The following SAMD12 variants were observed in gnomAD, a reference collection of about 807,000 sequenced individuals.
SAMD12 encodes the protein sterile alpha motif domain containing 12.
SAMD12 carries 9 observed loss-of-function variants against 15.0 expected under a neutral mutation model. The observed-to-expected ratio is 0.60, with a 90% CI of 0.36 to 1.05. SAMD12 has a LOEUF of 1.05. Among genes scored for constraint, SAMD12 ranks in the 50% least tolerant of loss-of-function variants. The probability of loss-of-function intolerance (pLI) is 0.01; values close to 1 mark genes in which losing one functional copy is unlikely to be tolerated. For missense variants in SAMD12, 230 were observed against 234.2 expected, an observed-to-expected ratio of 0.98 and a Z score of 0.12; for synonymous variants, 86 against 90.1, an observed-to-expected ratio of 0.96 and a Z score of 0.25.
At chr8:118,398,885 GTGTT>G (rs200208248) in intron 3 of SAMD12, among the ~76,000 whole-genome samples, 8 of 151,798 alleles carry the variant, frequency 5.3e-5, no homozygotes, top group African/African-American at 7.3e-5. Context: ...TTTTTTGTGT[GTGTT>G]TGTTTTTGTT....
intron 4 of SAMD12, among the ~76,000 whole-genome samples, chr8:118,253,734 C>T (rs1169158229): frequency 1.3e-5 from 2 of 152,140 alleles, no homozygotes; most frequent in African/African-American, 4.8e-5. Context: ...TATCCTTTAA[C>T]CAAGGTCAGG....
intron 4 of SAMD12, among the ~76,000 whole-genome samples, chr8:118,316,697 A>G (rs1586507479): frequency 6.6e-6 from 1 of 152,080 alleles, no homozygotes; most frequent in East Asian, 1.9e-4. Flanking sequence ...AGACTCTACT[A>G]AAGCTGAACA....
chr8:118,161,930 C>T, the SAMD12 span, among the ~76,000 whole-genome samples: 8 of 151,630 alleles, frequency 5.3e-5, no homozygotes, highest in South Asian at 4.2e-4. Flanking sequence ...GAGGCCCAGG[C>T]GGGTGGATTA....
intron 4 of SAMD12, among the ~76,000 whole-genome samples, chr8:118,361,604 T>TA (rs1326293099): frequency 6.6e-6 from 1 of 152,214 alleles, no homozygotes; most frequent in Non-Finnish European, 1.5e-5. Flanking sequence ...ATGTTACCTT[T>TA]GACACTTTCT....
chr8:118,617,157 A>G (rs1168664071), intron 1 of SAMD12, among the ~76,000 whole-genome samples: 1 of 152,240 alleles, frequency 6.6e-6, no homozygotes, highest in African/African-American at 2.4e-5. Context: ...AGCTTGTGAT[A>G]AAAATGATGT....
At chr8:118,619,126 G>A (rs898461633) in intron 1 of SAMD12, among the ~76,000 whole-genome samples, 2 of 152,152 alleles carry the variant, frequency 1.3e-5, no homozygotes, top group African/African-American at 4.8e-5. Context: ...GCAGCCCCCA[G>A]CAGCAGTTCC....
chr8:118,289,591 T>C (rs543523677), intron 4 of SAMD12, among the ~76,000 whole-genome samples: 2 of 152,316 alleles, frequency 1.3e-5, no homozygotes, highest in South Asian at 4.1e-4. Context: ...GATGTTGCCA[T>C]GTGTGATGGA....
At chr8:118,421,575 C>A (rs1484336989) in intron 3 of SAMD12, among the ~76,000 whole-genome samples, 1 of 152,172 alleles carries the variant, frequency 6.6e-6, no homozygotes, top group Non-Finnish European at 1.5e-5. Context: ...TGAAACAAAA[C>A]ACTGTATTTG....
At chr8:118,224,511 A>C (rs1370656834) in intron 4 of SAMD12, among the ~76,000 whole-genome samples, 4 of 152,208 alleles carry the variant, frequency 2.6e-5, no homozygotes, top group Non-Finnish European at 5.9e-5. Flanking sequence ...GATGGGGCCA[A>C]TTACGTGAAT....
chr8:118,137,231 C>A, the SAMD12 span, among the ~76,000 whole-genome samples: 1 of 152,106 alleles, frequency 6.6e-6, no homozygotes, highest in Non-Finnish European at 1.5e-5. Context: ...TGGAAAGCAA[C>A]CAATAAGAGG....
chr8:118,384,448 C>T (rs2630108), intron 3 of SAMD12, among the ~76,000 whole-genome samples: 1 of 152,128 alleles, frequency 6.6e-6, no homozygotes. Flanking sequence ...GTAATGGTGT[C>T]TTTGTACTGG....
At chr8:118,173,465 C>G in the SAMD12 span, among the ~76,000 whole-genome samples, 3 of 151,964 alleles carry the variant, frequency 2.0e-5, no homozygotes, top group Non-Finnish European at 4.4e-5. Context: ...TTGTACATTA[C>G]AAGGCCCTGT....
intron 3 of SAMD12, among the ~76,000 whole-genome samples, chr8:118,401,604 G>T (rs1820874479): frequency 6.7e-6 from 1 of 149,274 alleles, no homozygotes; most frequent in South Asian, 2.1e-4. Context: ...TCGAACTTTG[G>T]CCTCATGCGA....
At chr8:118,211,464 GGTGA>G (rs1419845712) in intron 4 of SAMD12, among the ~76,000 whole-genome samples, 1 of 152,136 alleles carries the variant, frequency 6.6e-6, no homozygotes, top group African/African-American at 2.4e-5. Flanking sequence ...ATTTCCTTAG[GGTGA>G]GTGAGTAGCA....
chr8:118,361,680 C>T (rs544823532), intron 4 of SAMD12, among the ~76,000 whole-genome samples: 2 of 152,274 alleles, frequency 1.3e-5, no homozygotes, highest in South Asian at 2.1e-4. Flanking sequence ...CACAGACGCA[C>T]GTGTGTGCAA....
chr8:118,525,534 T>C (rs548922535), intron 2 of SAMD12, among the ~76,000 whole-genome samples: 2 of 152,278 alleles, frequency 1.3e-5, no homozygotes, highest in African/African-American at 2.4e-5. Context: ...CAAATATTAG[T>C]TGAAGGAAAG....
chr8:118,199,868 G>C (rs1161652933), intron 4 of SAMD12, among the ~76,000 whole-genome samples: 1 of 152,176 alleles, frequency 6.6e-6, no homozygotes, highest in Non-Finnish European at 1.5e-5. Context: ...CACACAGCTA[G>C]TAAGGATCAA....
At chr8:118,580,983 A>G in intron 1 of SAMD12, 90 bp from the exon 2 acceptor site, 1 of 978,558 alleles carries the variant, frequency 1.0e-6, no homozygotes, top group Non-Finnish European at 1.5e-6. Flanking sequence ...TAAGTAGGAA[A>G]AAAACGAGGC....
chr8:118,356,450 A>G (rs1171984359), intron 4 of SAMD12, among the ~76,000 whole-genome samples: 1 of 152,164 alleles, frequency 6.6e-6, no homozygotes, highest in Non-Finnish European at 1.5e-5. Flanking sequence ...ACAAACCTTC[A>G]TGAGAAGAGA....
Sources: gnomAD v4.1 joint callset for allele counts (sites outside exome capture counted in the v4.1 genomes callset) on GRCh38, gnomAD v4.1.1 for gene constraint, MANE v1.5 for transcripts, NCBI Gene and HGNC (gene_info 2026-07-23, HGNC 2026-07-21) for gene names.